Variants in SPINK5 observed in about 807,000 individuals in gnomAD.
The protein encoded by SPINK5 is serine peptidase inhibitor Kazal type 5.
Under a neutral mutation model 151.8 loss-of-function variants are expected in SPINK5, and 125 were observed. That is an observed-to-expected ratio of 0.82 (90% CI 0.71 to 0.96). SPINK5 has a LOEUF of 0.96. Ranked by LOEUF, SPINK5 falls within the 40% of genes least tolerant of loss-of-function variation. The pLI, the probability that SPINK5 is intolerant of heterozygous loss-of-function variation, is 0.00. For synonymous variants in SPINK5, 374 were observed against 395.3 expected (o/e 0.95, Z 0.64); for missense variants, 1,194 against 1,291.9 (o/e 0.92, Z 1.16).
chr5:148,107,671 G>A (rs551566221), intron 17 of SPINK5, among the ~76,000 whole-genome samples: 1 of 152,244 alleles, frequency 6.6e-6, no homozygotes, highest in African/African-American at 2.4e-5. Flanking sequence ...TTCATAAGTG[G>A]TTTAGTGTGG....
At chr5:148,120,977 T>C (rs999927088) in intron 26 of SPINK5, among the ~76,000 whole-genome samples, 1 of 151,712 alleles carries the variant, frequency 6.6e-6, no homozygotes, top group Non-Finnish European at 1.5e-5. Context: ...ACCCCGTCTC[T>C]ACTAAAAGTA....
intron 8 of SPINK5, 129 bp downstream of exon 8, chr5:148,091,357 A>C: frequency 1.3e-6 from 1 of 755,882 alleles, no homozygotes; most frequent in Middle Eastern, 3.5e-4. Flanking sequence ...CTTAATATCA[A>C]AATTCCCCAA....
intron 8 of SPINK5, 67 bp from the exon 9 acceptor site, chr5:148,094,287 C>T (rs1753394339): frequency 2.3e-5 from 36 of 1,581,350 alleles, no homozygotes; most frequent in Non-Finnish European, 3.0e-5. Context: ...GCAGCAAAAT[C>T]CTGTCTCAAA....
At chr5:148,082,419 A>C (rs1753043773) in intron 4 of SPINK5, among the ~76,000 whole-genome samples, 1 of 150,912 alleles carries the variant, frequency 6.6e-6, no homozygotes, top group Admixed American at 6.6e-5. Flanking sequence ...TCTACCCCTA[A>C]TGTTATTTAG....
At chr5:148,129,517 A>G (rs1754523032) in intron 30 of SPINK5, among the ~76,000 whole-genome samples, 1 of 117,204 alleles carries the variant, frequency 8.5e-6, no homozygotes, top group Non-Finnish European at 2.0e-5. Flanking sequence ...AAAAAAATGA[A>G]GAGAGAGAGA....
chr5:148,130,280 T>G (rs12188819), intron 30 of SPINK5, among the ~76,000 whole-genome samples: 85,089 of 151,578 alleles, frequency 0.56, 24,603 homozygotes, highest in Admixed American at 0.65. Flanking sequence ...AATTCTATGA[T>G]TACTTTGAGT....
intron 8 of SPINK5, 95 bp from the exon 9 acceptor site, chr5:148,094,259 C>A: frequency 7.2e-7 from 1 of 1,380,458 alleles, no homozygotes. Context: ...CATTCCCCTG[C>A]AATCCACCCT....
intron 2 of SPINK5, among the ~76,000 whole-genome samples, chr5:148,066,184 G>C (rs1752579710): frequency 6.6e-6 from 1 of 152,112 alleles, no homozygotes; most frequent in Non-Finnish European, 1.5e-5. Flanking sequence ...AGGCCCTGAC[G>C]CAAGAAGGTG....
intron 11 of SPINK5, among the ~76,000 whole-genome samples, chr5:148,098,746 A>G (rs1753547972): frequency 6.6e-6 from 1 of 151,974 alleles, no homozygotes; most frequent in Non-Finnish European, 1.5e-5. Flanking sequence ...AAGCTAGGGT[A>G]CACATGGTGT....
At chr5:148,136,929 A>G in intron 32 of SPINK5, 54 bp from the exon 33 acceptor site, 1 of 1,609,178 alleles carries the variant, frequency 6.2e-7, no homozygotes, top group Admixed American at 1.7e-5. Flanking sequence ...TACAGCCCAC[A>G]TTTCTGCAAT....
At position 148,114,503 on chromosome 5, in the gene SPINK5, G is replaced by T; in HGVS notation, c.2015+14G>T. The T allele has an allele frequency of 6.2e-7, 1 of 1,612,862 alleles. No homozygotes were observed. On this transcript the variant is annotated intron_variant, in intron 21 of 32. Transcript: ENST00000256084. ...TAAGGCAGTCTTGTGAGTGCACAAAGAAAACCACTACTGTGGGATGGTGGA... is the reference window on the plus strand; with the variant it reads ...TAAGGCAGTCTTGTGAGTGCACAAATAAAACCACTACTGTGGGATGGTGGA...
chr5:148,100,988 G>A lies in SPINK5; in HGVS notation c.1221-367G>A, dbSNP rs892265540. The stretch of plus-strand genomic sequence containing the variant: ...TGATTTACCATGGAATTCCAAGGAT[G>A]ATATCAGTACAGACTTTACAGGCAG... On this transcript the variant is annotated intron_variant, in intron 13 of 32. Coordinates refer to ENST00000256084, the MANE Select transcript of SPINK5 (RefSeq NM_006846.4). Among the ~76,000 whole-genome samples, 5 of 152,112 alleles carry A rather than the reference G, an allele frequency of 3.3e-5. No individual in the cohort carries two copies. The East Asian group carries it at 7.8e-4, about 24-fold the overall frequency.
At chr5:148,122,884 T>C (rs537777916) in intron 26 of SPINK5, among the ~76,000 whole-genome samples, 6 of 106,694 alleles carry the variant, frequency 5.6e-5, no homozygotes, top group African/African-American at 1.8e-4. Context: ...TTTTTTTTTT[T>C]TGGTAAATTG....
At chr5:148,099,452 A>G in intron 12 of SPINK5, 137 bp downstream of exon 12, 2 of 700,752 alleles carry the variant, frequency 2.9e-6, no homozygotes, top group South Asian at 1.7e-5. Flanking sequence ...TATTGAGATG[A>G]ATTATATGGG....
chr5:148,100,717 G>A lies in SPINK5; in HGVS notation c.1220+136G>A, dbSNP rs1024988256. On this transcript the variant is annotated intron_variant, in intron 13 of 32. Coordinates refer to ENST00000256084, the MANE Select transcript of SPINK5 (RefSeq NM_006846.4). The stretch of plus-strand genomic sequence containing the variant: ...CATATTTAGAGAAACTGTCTGATTG[G>A]AGACATGTATTTGAAAATCCATGTC... 66 of 980,220 alleles carry A rather than the reference G, an allele frequency of 6.7e-5. 2 individuals carry two copies. The highest frequency in any genetic ancestry group is 3.1e-4 in the Middle Eastern group (1 of 3,188). 60.7% of individuals were successfully genotyped at this position (980,220 alleles called of 1,614,324 possible).
In SPINK5 at chr5:148,123,931, C is replaced by T. The variant is rs770463415; in HGVS notation, c.2637C>T (p.Ile879=). 6 of 1,613,914 alleles carry T rather than the reference C, an allele frequency of 3.7e-6. No homozygotes were observed. In the South Asian group the frequency reaches 6.6e-5, roughly 18 times the overall value. The change falls in exon 27 of 33, where the codon ATC becomes ATT. Residue 879 remains isoleucine (I), a synonymous_variant. Coordinates refer to ENST00000256084, the MANE Select transcript of SPINK5 (RefSeq NM_006846.4). ...GAGGCCCATATGGCAAGATGCACAT[C>T]AATAAATGTGCTATGTGTCAGAGCA... is the stretch of plus-strand genomic sequence containing the variant. ...PVRGPYGKMH[I]NKCAMCQSIF... is the part of the protein sequence containing the mutation.
At chr5:148,097,067 CCTTTTT>C (rs1376539383) in intron 10 of SPINK5, among the ~76,000 whole-genome samples, 1 of 151,424 alleles carries the variant, frequency 6.6e-6, no homozygotes, top group Non-Finnish European at 1.5e-5. Flanking sequence ...TTTCCTTTCT[CCTTTTT>C]CTTTTTCTTC....
chr5:148,115,361 T>G (rs1181384418), intron 21 of SPINK5, among the ~76,000 whole-genome samples: 1 of 152,174 alleles, frequency 6.6e-6, no homozygotes, highest in African/African-American at 2.4e-5. Flanking sequence ...AATGGGAAGC[T>G]GCAAAAGTTG....
At chr5:148,112,193 C>T (rs1753953102) in intron 19 of SPINK5, among the ~76,000 whole-genome samples, 1 of 152,104 alleles carries the variant, frequency 6.6e-6, no homozygotes, top group African/African-American at 2.4e-5. Flanking sequence ...AAGCATAGGT[C>T]ACTGTCAAAT....
Sources: gnomAD v4.1 joint callset for allele counts (sites outside exome capture counted in the v4.1 genomes callset) on GRCh38, gnomAD v4.1.1 for gene constraint, MANE v1.5 for transcripts, NCBI Gene and HGNC (gene_info 2026-07-23, HGNC 2026-07-21) for gene names.